Variants in LRP4 observed in about 807,000 individuals in gnomAD.
LRP4 encodes the protein low-density lipoprotein receptor-related protein 4.
A neutral mutation model predicts 220.3 loss-of-function variants in LRP4; 95 were observed. The observed-to-expected ratio is 0.43, with a 90% CI of 0.37 to 0.51. The LOEUF is 0.51. LRP4 is among the 20% of genes least tolerant of loss of function. The pLI is 0.00. For synonymous variants in LRP4, 903 were observed against 954.6 expected (o/e 0.95, Z 1.00); for missense variants, 1,925 against 2,567.0 (o/e 0.75, Z 5.40).
intron 1 of LRP4, among the ~76,000 whole-genome samples, chr11:46,910,124 C>T (rs1941834582): frequency 6.6e-6 from 1 of 152,086 alleles, no homozygotes; most frequent in Non-Finnish European, 1.5e-5. Context: ...GATTGCGGGT[C>T]CAAGCAAGTT....
In LRP4 at chr11:46,896,272, T is replaced by G; in HGVS notation, c.986A>C (p.Lys329Thr). 6 of 1,614,182 alleles carry G rather than the reference T, an allele frequency of 3.7e-6. No homozygotes were observed. The highest frequency in any genetic ancestry group is 5.1e-6 in the Non-Finnish European group (6 of 1,180,040). The part of the protein sequence containing the change: ...CWNGRCIGQR[K>T]LCNGVNDCGD... The stretch of plus-strand genomic sequence containing the variant: ...ACAGTCGTTGACCCCGTTGCACAGC[T>G]TCCTCTGCCCAATGCAGCGCCCATT... Residue 329 changes from lysine (K) to threonine (T), a missense_variant, in exon 9 of 38, where the codon AAG (lysine) becomes ACG (threonine). This residue lies in a region of LRP4 where 412 missense variants were observed against 505.4 expected (regional missense o/e 0.82). Transcript: ENST00000378623.
chr11:46,902,937 G>A lies in LRP4; in HGVS notation c.53-8C>T, dbSNP rs1592549100. ...CGGGGCTGCTGGCCAGGCCTGGGCGGAGGGAAAAGGAATCAGTGAGGGCTC... is the reference window on the plus strand; with the variant it reads ...CGGGGCTGCTGGCCAGGCCTGGGCGAAGGGAAAAGGAATCAGTGAGGGCTC... On this transcript the variant is annotated splice_polypyrimidine_tract_variant and splice_region_variant and intron_variant, in intron 1 of 37. Coordinates refer to ENST00000378623, the MANE Select transcript of LRP4 (RefSeq NM_002334.4). 4 of 1,613,970 alleles carry A rather than the reference G, an allele frequency of 2.5e-6. No homozygotes were observed. In the East Asian group the frequency reaches 6.7e-5, roughly 27 times the overall value.
rs376449880 is a variant in LRP4 at position 46,865,081 on chromosome 11, A to G, written c.5155+38T>C. The G allele has an allele frequency of 5.2e-6, 8 of 1,528,198 alleles. No individual in the cohort carries two copies. In the South Asian group the frequency reaches 6.0e-5, roughly 11 times the overall value. The allele number at this position is 1,528,198 out of a possible 1,614,324, so 94.7% of individuals were successfully genotyped here. ...ATCAGTGGAGACTTAGATTCATTAC[A>G]TCTTCTTTTCCGGAACAGTGGGGTA... On this transcript the variant is annotated intron_variant, in intron 35 of 37. Transcript: ENST00000378623.
rs201859655 is a variant in LRP4, at chr11:46,911,604, AT to A, written c.52+6723del. Among the ~76,000 whole-genome samples, 274 of 144,494 alleles carry A rather than the reference AT, an allele frequency of 1.9e-3. 52 individuals carry two copies. In the Middle Eastern group the frequency reaches 0.021, roughly 11 times the overall value. 94.8% of individuals were successfully genotyped at this position (144,494 alleles called of 152,430 possible). A position where few individuals can be genotyped will look rare whatever the true frequency, so the allele number is the denominator to read the frequency against. On this transcript the variant is annotated intron_variant, in intron 1 of 37. Coordinates refer to ENST00000378623, the MANE Select transcript of LRP4 (RefSeq NM_002334.4). Reference sequence around the variant, plus strand: ...AACCTGTCTCAAAAAAAAAAAATAAATAAATAAATAAAAATAAAGTCTCTCT... The same window carrying A: ...AACCTGTCTCAAAAAAAAAAAATAAAAAATAAATAAAAATAAAGTCTCTCT...
Position 46,883,914 on chromosome 11 carries a change from T to C in LRP4, c.2569A>G (p.Asn857Asp), listed in dbSNP as rs777703739. The C allele has an allele frequency of 6.2e-7, 1 of 1,614,198 alleles. No homozygotes were observed. Among genetic ancestry groups the C allele is most frequent in the Non-Finnish European group, 8.5e-7 (1 of 1,180,032 alleles). The change falls in exon 19 of 38, where the codon AAC becomes GAC. Residue 857 changes from asparagine to aspartate, a missense_variant. Around this residue, in one of 3 missense-constraint regions of LRP4, gnomAD observed 1,244 missense variants for 1,624.9 expected, o/e 0.77. Transcript: ENST00000378623. ...GSMRTVLIWE[N>D]LDRPRDIVVE... ...ACGATGTCCCGAGGACGATCAAGGT[T>C]CTCCCAGATGAGTACTGTTCTCATG...
chr11:46,871,195 T>G (rs547741362), intron 31 of LRP4, among the ~76,000 whole-genome samples: 2 of 152,324 alleles, frequency 1.3e-5, no homozygotes, highest in South Asian at 4.1e-4. Flanking sequence ...TGTATTTTAC[T>G]GTGCCCAGCC....
chr11:46,881,697 C>A lies in LRP4; in HGVS notation c.2814+5G>T. 6.2e-7 allele frequency: 1 copy of A among 1,614,034 alleles called. No homozygotes were observed. On this transcript the variant is annotated splice_donor_5th_base_variant and intron_variant, in intron 20 of 37. Coordinates refer to ENST00000378623, the MANE Select transcript of LRP4 (RefSeq NM_002334.4). ...CCCTTACCTTCCTCTTACTGCCACC[C>A]TTACCTTCCTCTTACTGCCATCCAG...
intron 2 of LRP4, among the ~76,000 whole-genome samples, chr11:46,901,794 G>A (rs1482572027): frequency 6.6e-6 from 1 of 151,792 alleles, no homozygotes; most frequent in Non-Finnish European, 1.5e-5. Context: ...GTGCAGTGGC[G>A]CGATCTCGGC....
Position 46,896,308 on chromosome 11 carries a change from A to T in LRP4, c.950T>A (p.Phe317Tyr). The change falls in exon 9 of 38, where the codon TTC (phenylalanine) becomes TAC (tyrosine). Residue 317 changes from phenylalanine to tyrosine, a missense_variant. Around this residue, in one of 3 missense-constraint regions of LRP4, gnomAD observed 412 missense variants for 505.4 expected, o/e 0.82. Coordinates refer to ENST00000378623, the MANE Select transcript of LRP4 (RefSeq NM_002334.4). ...AATGCAGCGCCCATTCCAACACAGG[A>T]ACTGGTCCAAGGCACATTGGGGGCT... ...TGSPQCALDQFLCWNGRCIGQ... is the reference protein window; with the variant it reads ...TGSPQCALDQYLCWNGRCIGQ... 1 of 1,614,154 alleles carries T rather than the reference A, an allele frequency of 6.2e-7. No individual in the cohort carries two copies.
intron 1 of LRP4, among the ~76,000 whole-genome samples, chr11:46,905,852 C>CAAA (rs35421139): frequency 2.1e-5 from 2 of 93,144 alleles, no homozygotes; most frequent in East Asian, 6.4e-4. Context: ...AACTCCGTCT[C>CAAA]AAAAAAAAAA....
chr11:46,876,059 T>A, intron 25 of LRP4, 93 bp from the exon 26 acceptor site: 1 of 1,416,474 alleles, frequency 7.1e-7, no homozygotes. Flanking sequence ...TACACTTGAG[T>A]ACTTACAGTA....
At chr11:46,877,544 T>C (rs1245887775) in intron 22 of LRP4, among the ~76,000 whole-genome samples, 1 of 152,222 alleles carries the variant, frequency 6.6e-6, no homozygotes, top group East Asian at 1.9e-4. Context: ...CATGGCTTAC[T>C]GCAGCCTTGA....
At chr11:46,897,836 T>C (rs1941572484) in intron 7 of LRP4, among the ~76,000 whole-genome samples, 2 of 152,262 alleles carry the variant, frequency 1.3e-5, no homozygotes, top group African/African-American at 4.8e-5. Flanking sequence ...CCCTCCTTTC[T>C]ATTCCACAAA....
Position 46,900,367 on chromosome 11 carries a change from A to G in LRP4, c.211T>C (p.Cys71Arg). ...TCACAGTGAAAGTCAAGAGGGGAAC[A>G]GGTAGGTAGTACTGAATCCCAGGAA... ...SDEDGCILPT[C>R]SPLDFHCDNG... Residue 71 changes from cysteine (C) to arginine (R), a missense_variant, in exon 3 of 38, where the codon TGT becomes CGT. Cys to Arg is a radical substitution (Grantham distance 180). Around this residue, in one of 3 missense-constraint regions of LRP4, gnomAD observed 412 missense variants for 505.4 expected, o/e 0.82. Transcript: ENST00000378623. 1.2e-6 allele frequency: 2 copies of G among 1,606,896 alleles called. No individual in the cohort carries two copies. Among genetic ancestry groups the G allele is most frequent in the Non-Finnish European group, 1.7e-6 (2 of 1,173,408 alleles).
chr11:46,902,960 C>T (rs368459875), intron 1 of LRP4, 31 bp from the exon 2 acceptor site: 6 of 1,613,466 alleles, frequency 3.7e-6, no homozygotes, highest in African/African-American at 1.3e-5. Context: ...TCAGTGAGGG[C>T]TCAGCTCCCA....
At chr11:46,902,116 G>A (rs1592548375) in intron 2 of LRP4, among the ~76,000 whole-genome samples, 1 of 151,724 alleles carries the variant, frequency 6.6e-6, no homozygotes, top group Admixed American at 6.5e-5. Context: ...CCAGCACTTT[G>A]GGAGGCTGAG....
intron 30 of LRP4, 55 bp from the exon 31 acceptor site, chr11:46,871,688 T>C (rs904671325): frequency 3.3e-6 from 4 of 1,196,836 alleles, no homozygotes; most frequent in African/African-American, 1.5e-5. Context: ...GGAGCCCAGC[T>C]CTTCCCCCTA....
chr11:46,890,318 G>A lies in LRP4; in HGVS notation c.1874C>T (p.Ala625Val), dbSNP rs771358499. Reference protein sequence around the residue: ...VDAKHHVIERANLDGSHRKAV... With the variant: ...VDAKHHVIERVNLDGSHRKAV... The stretch of plus-strand genomic sequence containing the variant: ...CTTACGGTGACTCCCATCCAGATTG[G>A]CCCTCTCGATGACATGGTGCTTAGC... The change falls in exon 14 of 38, where the codon GCC becomes GTC. Residue 625 changes from alanine to valine, a missense_variant. Ala to Val is a moderately conservative substitution (Grantham distance 64). Coordinates refer to ENST00000378623, the MANE Select transcript of LRP4 (RefSeq NM_002334.4). This position sits in a 1 kb window ranked among gnomAD's most constrained non-coding sequence, Gnocchi z 5.3. 1 of 1,614,134 alleles carries A rather than the reference G, an allele frequency of 6.2e-7. No homozygotes were observed. The highest frequency in any genetic ancestry group is 8.5e-7 in the Non-Finnish European group (1 of 1,180,034).
rs1266695491 is a variant in LRP4 at position 46,899,059 on chromosome 11, G to A, written c.548-27C>T. Reference sequence around the variant, plus strand: ...TGGAGGGAAGGCAGGGGTGGGGAGGGGCACACACTCAGGCCTGGATGAAGG... The same window carrying A: ...TGGAGGGAAGGCAGGGGTGGGGAGGAGCACACACTCAGGCCTGGATGAAGG... On this transcript the variant is annotated intron_variant, in intron 5 of 37. Coordinates refer to ENST00000378623, the MANE Select transcript of LRP4 (RefSeq NM_002334.4). This position sits in a 1 kb window ranked among gnomAD's most constrained non-coding sequence, Gnocchi z 5.9. 6.2e-7 allele frequency: 1 copy of A among 1,604,454 alleles called. No homozygotes were observed. Among genetic ancestry groups the A allele is most frequent in the Non-Finnish European group, 8.5e-7 (1 of 1,173,872 alleles).
Sources: gnomAD v4.1 joint callset for allele counts (sites outside exome capture counted in the v4.1 genomes callset) on GRCh38, gnomAD v4.1.1 for gene constraint, gnomAD v4.1.1 regional missense constraint, Gnocchi (gnomAD v3.1) non-coding constraint, MANE v1.5 for transcripts, NCBI Gene and HGNC (gene_info 2026-07-23, HGNC 2026-07-21) for gene names.